SEC14L1: variants seen among roughly 807,000 people sequenced by gnomAD.
SEC14L1 encodes the protein SEC14 like lipid binding 1.
In SEC14L1, 48 loss-of-function variants were observed where a neutral mutation model predicts 85.3. The observed-to-expected ratio is 0.56, with a 90% CI of 0.45 to 0.72. SEC14L1 has a LOEUF of 0.72. Ranked by LOEUF, SEC14L1 falls within the 30% of genes least tolerant of loss-of-function variation. SEC14L1 has a pLI of 0.00. For missense variants in SEC14L1, 682 were observed against 921.4 expected (o/e 0.74, Z 3.36); for synonymous variants, 391 against 355.5 (o/e 1.10, Z -1.12).
At chr17:77,170,201 G>A (rs886450007) in intron 3 of SEC14L1, among the ~76,000 whole-genome samples, 1 of 152,162 alleles carries the variant, frequency 6.6e-6, no homozygotes, top group Non-Finnish European at 1.5e-5. Flanking sequence ...GGGAAAGGAA[G>A]CTAAGAAGGA....
At chr17:77,125,414 A>G (rs1972419912) in intron 3 of SEC14L1, among the ~76,000 whole-genome samples, 1 of 151,514 alleles carries the variant, frequency 6.6e-6, no homozygotes, top group African/African-American at 2.4e-5. Flanking sequence ...CTTAGTCCTT[A>G]GATTCTGAAG....
chr17:77,097,811 C>T (rs1971681676), intron 3 of SEC14L1, among the ~76,000 whole-genome samples: 1 of 152,018 alleles, frequency 6.6e-6, no homozygotes, highest in African/African-American at 2.4e-5. Context: ...AACTTATATC[C>T]CAGGATAGGG....
rs1364968090 is a variant in SEC14L1 at position 77,180,234 on chromosome 17, GC to G, written c.64-10568del. ...TTCTCCTGCCTCAACCTCTCGAGTAGCTGGGACTACAGGCACCTGCCACCAT... is the reference window on the plus strand; with the variant it reads ...TTCTCCTGCCTCAACCTCTCGAGTAGTGGGACTACAGGCACCTGCCACCAT... On this transcript the variant is annotated intron_variant, in intron 3 of 16. Transcript: ENST00000436233. 2.6e-5 allele frequency among the ~76,000 whole-genome samples: 4 copies of G among 151,824 alleles called. No homozygotes were observed. In the East Asian group the frequency reaches 7.8e-4, roughly 29 times the overall value.
chr17:77,111,152 C>A lies in SEC14L1; in HGVS notation c.-136+17805C>A, dbSNP rs369443548. The stretch of plus-strand genomic sequence containing the variant: ...AGGTTGGAGTGAGCCGAGGTTGTGC[C>A]ATTGCACTGGGTGACAGAGCGAGAC... On this transcript the variant is annotated intron_variant, in intron 3 of 19. Coordinates refer to the SEC14L1 transcript ENST00000392476. 4.1e-5 allele frequency among the ~76,000 whole-genome samples: 6 copies of A among 147,648 alleles called. No individual in the cohort carries two copies. In the South Asian group the frequency reaches 6.5e-4, roughly 16 times the overall value.
chr17:77,199,821 C>G (rs1976033091), intron 8 of SEC14L1, among the ~76,000 whole-genome samples: 1 of 152,214 alleles, frequency 6.6e-6, no homozygotes, highest in African/African-American at 2.4e-5. Flanking sequence ...GGAGATGTTT[C>G]TGGTACCACC....
intron 3 of SEC14L1, among the ~76,000 whole-genome samples, chr17:77,099,860 G>A (rs1971726706): frequency 6.6e-6 from 1 of 152,124 alleles, no homozygotes; most frequent in Admixed American, 6.5e-5. Flanking sequence ...AAGATCAAAA[G>A]GAGGTATTAA....
In SEC14L1 at chr17:77,205,179, T is replaced by C. The variant is rs1598398145; in HGVS notation, c.1099-97T>C. ...GTGACTTTTTTGATTTACATGCTTA[T>C]CTGTAATACGCTGTTAGTGTCCCTC... On this transcript the variant is annotated intron_variant, in intron 10 of 16. Coordinates refer to ENST00000436233, the MANE Select transcript of SEC14L1 (RefSeq NM_001143998.2). 5 of 1,007,276 alleles carry C rather than the reference T, an allele frequency of 5.0e-6. No individual in the cohort carries two copies. In the African/African-American group the frequency reaches 8.1e-5, roughly 16 times the overall value. 62.4% of individuals were successfully genotyped at this position (1,007,276 alleles called of 1,614,324 possible).
chr17:77,164,562 A>G (rs1974205426), intron 3 of SEC14L1, among the ~76,000 whole-genome samples: 1 of 152,106 alleles, frequency 6.6e-6, no homozygotes, highest in South Asian at 2.1e-4. Context: ...CTGGGATTCA[A>G]ATCAAGGTCC....
chr17:77,196,342 G>T, intron 8 of SEC14L1, 31 bp downstream of exon 8: 1 of 1,292,664 alleles, frequency 7.7e-7, no homozygotes, highest in East Asian at 2.3e-5. Flanking sequence ...CAGTGTGCAG[G>T]GCCAGAGCTA....
intron 3 of SEC14L1, among the ~76,000 whole-genome samples, chr17:77,105,630 A>T (rs1971897753): frequency 6.6e-6 from 1 of 152,088 alleles, no homozygotes; most frequent in Non-Finnish European, 1.5e-5. Flanking sequence ...GAGGCCTGCA[A>T]ATTAAACTGA....
chr17:77,199,290 C>T (rs1975989718), intron 8 of SEC14L1: 1 of 156,138 alleles, frequency 6.4e-6, no homozygotes, highest in Non-Finnish European at 1.4e-5. Context: ...AGGCCTGAGC[C>T]ACCACACCCC....
At chr17:77,163,639 A>G (rs929258305) in intron 3 of SEC14L1, among the ~76,000 whole-genome samples, 2 of 152,086 alleles carry the variant, frequency 1.3e-5, no homozygotes, top group Non-Finnish European at 2.9e-5. Flanking sequence ...CGCTGTCACC[A>G]TGTTCTTCGT....
At chr17:77,146,601 C>G (rs1759143478) in intron 3 of SEC14L1, among the ~76,000 whole-genome samples, 1 of 151,644 alleles carries the variant, frequency 6.6e-6, no homozygotes, top group Non-Finnish European at 1.5e-5. Context: ...TTTCTTTCTT[C>G]TCCTTTTTTT....
chr17:77,105,745 T>C (rs150043937), intron 3 of SEC14L1, among the ~76,000 whole-genome samples: 1 of 152,170 alleles, frequency 6.6e-6, no homozygotes, highest in Non-Finnish European at 1.5e-5. Context: ...GGGGCTTGTA[T>C]ACCATCTTCA....
At chr17:77,099,503 C>CCCAGCACTTTGGGAGG (rs1382278466) in intron 3 of SEC14L1, among the ~76,000 whole-genome samples, 2 of 152,200 alleles carry the variant, frequency 1.3e-5, no homozygotes, top group Non-Finnish European at 2.9e-5. Flanking sequence ...CATCTGTAAT[C>CCCAGCACTTTGGGAGG]CCAGCACTTT....
chr17:77,191,169 T>G lies in SEC14L1; in HGVS notation c.214-12T>G. 1.2e-6 allele frequency: 2 copies of G among 1,609,522 alleles called. No homozygotes were observed. Among genetic ancestry groups the G allele is most frequent in the Non-Finnish European group, 1.7e-6 (2 of 1,176,742 alleles). On this transcript the variant is annotated splice_polypyrimidine_tract_variant and intron_variant, in intron 4 of 16. Coordinates refer to ENST00000436233, the MANE Select transcript of SEC14L1 (RefSeq NM_001143998.2). ...ATTAATAAACCCATTTCTCTTTCTT[T>G]TTTTTTTGAAGATTGCAGGAGTTGA...
chr17:77,170,008 C>A (rs1357833033), intron 3 of SEC14L1, among the ~76,000 whole-genome samples: 1 of 152,126 alleles, frequency 6.6e-6, no homozygotes, highest in Non-Finnish European at 1.5e-5. Context: ...CGGCCTCAGT[C>A]CATGCAAAAG....
At chr17:77,211,830 A>T in intron 14 of SEC14L1, 120 bp from the exon 15 acceptor site, 1 of 1,273,010 alleles carries the variant, frequency 7.9e-7, no homozygotes, top group Non-Finnish European at 1.1e-6. Context: ...ATACGCATTC[A>T]GCGTTTCCCT....
chr17:77,184,996 TG>T (rs2143761313), intron 3 of SEC14L1, among the ~76,000 whole-genome samples: 1 of 152,304 alleles, frequency 6.6e-6, no homozygotes, highest in Non-Finnish European at 1.5e-5. Context: ...CAGTTAGAAT[TG>T]TGTATGCTGA....
Sources: gnomAD v4.1 joint callset for allele counts (sites outside exome capture counted in the v4.1 genomes callset) on GRCh38, gnomAD v4.1.1 for gene constraint, MANE v1.5 for transcripts, NCBI Gene and HGNC (gene_info 2026-07-23, HGNC 2026-07-21) for gene names.